Variants in SLC25A21 observed in about 807,000 individuals in gnomAD.
SLC25A21 encodes solute carrier family 25 member 21, also known as mitochondrial 2-oxodicarboxylate carrier.
SLC25A21 carries 47 observed loss-of-function variants against 43.8 expected under a neutral mutation model. The observed-to-expected ratio is 1.07, with a 90% CI of 0.85 to 1.37. The LOEUF (loss-of-function observed/expected upper bound fraction) is 1.37, where lower values mean the gene tolerates loss of function less well. SLC25A21 is among the 40% of genes most tolerant of loss of function. The pLI is 0.00. For missense variants in SLC25A21, 352 were observed against 350.2 expected, an observed-to-expected ratio of 1.00 and a Z score of -0.04; for synonymous variants, 131 against 121.3, an observed-to-expected ratio of 1.08 and a Z score of -0.52.
intron 1 of SLC25A21, among the ~76,000 whole-genome samples, chr14:36,926,170 G>A (rs181520157): frequency 6.6e-5 from 10 of 152,170 alleles, no homozygotes; most frequent in East Asian, 3.9e-4. Flanking sequence ...ATTTCTGACC[G>A]TAACAGAATT....
At chr14:37,060,724 T>C (rs898680042) in intron 1 of SLC25A21, among the ~76,000 whole-genome samples, 1 of 151,956 alleles carries the variant, frequency 6.6e-6, no homozygotes, top group Non-Finnish European at 1.5e-5. Context: ...GGCTCCAAGT[T>C]CTCCAACACT....
chr14:36,772,073 A>G (rs1886640406), intron 3 of SLC25A21, among the ~76,000 whole-genome samples: 1 of 152,110 alleles, frequency 6.6e-6, no homozygotes, highest in African/African-American at 2.4e-5. Flanking sequence ...TCACATTCCT[A>G]GATTGTGCCA....
intron 1 of SLC25A21, among the ~76,000 whole-genome samples, chr14:36,934,454 G>A (rs1453816941): frequency 7.9e-6 from 1 of 127,230 alleles, no homozygotes; most frequent in Non-Finnish European, 1.6e-5. Context: ...ACCTGTGTCT[G>A]TTTTATCTTG....
At chr14:36,955,726 G>GT (rs1474609995) in intron 1 of SLC25A21, among the ~76,000 whole-genome samples, 20 of 128,806 alleles carry the variant, frequency 1.6e-4, no homozygotes, top group African/African-American at 5.4e-4. Flanking sequence ...TAGGCCTAAG[G>GT]TTGTTTTTTT....
intron 1 of SLC25A21, among the ~76,000 whole-genome samples, chr14:37,085,962 G>A (rs1441505595): frequency 1.3e-5 from 2 of 152,048 alleles, no homozygotes; most frequent in South Asian, 2.1e-4. Flanking sequence ...AAAATTAGCC[G>A]GGCGTGGTGG....
chr14:37,034,880 G>A (rs1358192353), intron 1 of SLC25A21, among the ~76,000 whole-genome samples: 1 of 152,206 alleles, frequency 6.6e-6, no homozygotes, highest in Non-Finnish European at 1.5e-5. Context: ...CACAGAAAGG[G>A]CCTAACCGTA....
intron 1 of SLC25A21, among the ~76,000 whole-genome samples, chr14:37,101,894 C>T (rs1962823555): frequency 6.6e-6 from 1 of 152,092 alleles, no homozygotes; most frequent in African/African-American, 2.4e-5. Context: ...CCAGTTCTGA[C>T]TTTTATTGAC....
intron 1 of SLC25A21, among the ~76,000 whole-genome samples, chr14:37,105,382 G>A (rs989439694): frequency 2.0e-5 from 3 of 152,146 alleles, no homozygotes; most frequent in Non-Finnish European, 4.4e-5. Context: ...GACTAAGGAG[G>A]TGCAGGCCAA....
chr14:36,774,751 G>C (rs1282044472), intron 3 of SLC25A21, among the ~76,000 whole-genome samples: 1 of 152,016 alleles, frequency 6.6e-6, no homozygotes, highest in Non-Finnish European at 1.5e-5. Context: ...TTTTTGTAGA[G>C]AACAAGGTCT....
intron 1 of SLC25A21, among the ~76,000 whole-genome samples, chr14:36,895,459 C>A (rs965962475): frequency 3.4e-4 from 52 of 152,250 alleles, no homozygotes; most frequent in African/African-American, 1.1e-3. Flanking sequence ...TGCTAGCAGT[C>A]TATCAATTTT....
chr14:36,906,775 T>G (rs2138605990), intron 1 of SLC25A21, among the ~76,000 whole-genome samples: 1 of 152,246 alleles, frequency 6.6e-6, no homozygotes, highest in Non-Finnish European at 1.5e-5. Context: ...AGTGCTGGGA[T>G]TACAGGTGTG....
At chr14:36,896,934 G>A (rs184997286) in intron 1 of SLC25A21, among the ~76,000 whole-genome samples, 10 of 152,236 alleles carry the variant, frequency 6.6e-5, no homozygotes, top group Admixed American at 5.9e-4. Context: ...GCTTCCCTTT[G>A]TGGGTAACCC....
rs199873080 is a variant in SLC25A21, at chr14:36,874,938, G to A, written c.119+18C>T. ...ATATTAGCCAAAGTCAATAAAACTT[G>A]TTCATGCAGAACCTTACCTGGTTTT... is the stretch of plus-strand genomic sequence containing the variant. On this transcript the variant is annotated intron_variant, in intron 2 of 9. Transcript: ENST00000331299. 1.1e-5 allele frequency: 18 copies of A among 1,604,260 alleles called. No homozygotes were observed. Among genetic ancestry groups the A allele is most frequent in the Non-Finnish European group, 1.5e-5 (18 of 1,174,872 alleles).
chr14:37,087,954 T>C (rs968817055), intron 1 of SLC25A21, among the ~76,000 whole-genome samples: 2 of 152,194 alleles, frequency 1.3e-5, no homozygotes, highest in African/African-American at 4.8e-5. Flanking sequence ...CAGATGTTTA[T>C]TGGAAAAGGA....
At chr14:37,070,561 T>C (rs1176647482) in intron 1 of SLC25A21, among the ~76,000 whole-genome samples, 2 of 152,136 alleles carry the variant, frequency 1.3e-5, no homozygotes, top group Non-Finnish European at 2.9e-5. Flanking sequence ...TCAGAAAAAA[T>C]ATATTTAATG....
At chr14:36,692,899 G>T (rs935496744) in intron 7 of SLC25A21, among the ~76,000 whole-genome samples, 4 of 152,136 alleles carry the variant, frequency 2.6e-5, no homozygotes, top group Non-Finnish European at 5.9e-5. Flanking sequence ...AATTCCTCCT[G>T]GTACTGCACC....
chr14:36,987,385 A>G (rs149710559), intron 1 of SLC25A21, among the ~76,000 whole-genome samples: 20 of 152,312 alleles, frequency 1.3e-4, no homozygotes, highest in African/African-American at 4.6e-4. Flanking sequence ...TTTTCCACTT[A>G]TTAAAATAAT....
chr14:37,003,046 A>G (rs1005144648), intron 1 of SLC25A21, among the ~76,000 whole-genome samples: 10 of 152,340 alleles, frequency 6.6e-5, no homozygotes, highest in African/African-American at 2.4e-4. Context: ...TCTATTGAGA[A>G]TATGTTCCGA....
intron 1 of SLC25A21, among the ~76,000 whole-genome samples, chr14:37,120,460 C>T (rs771402334): frequency 6.6e-5 from 10 of 152,132 alleles, no homozygotes; most frequent in Admixed American, 1.3e-4. Flanking sequence ...GCCTTCAGTC[C>T]TCCAATAAAT....
Sources: gnomAD v4.1 joint callset for allele counts (sites outside exome capture counted in the v4.1 genomes callset) on GRCh38, gnomAD v4.1.1 for gene constraint, MANE v1.5 for transcripts, NCBI Gene and HGNC (gene_info 2026-07-23, HGNC 2026-07-21) for gene names.